The following PCDH15 variants were observed in gnomAD, a reference collection of about 807,000 sequenced individuals.
PCDH15 encodes the protein protocadherin-15.
PCDH15 carries 129 observed loss-of-function variants against 178.5 expected under a neutral mutation model. That is an observed-to-expected ratio of 0.72 (90% CI 0.63 to 0.84). The LOEUF (loss-of-function observed/expected upper bound fraction) is 0.84, where lower values mean the gene tolerates loss of function less well. Among genes scored for constraint, PCDH15 ranks in the 40% least tolerant of loss-of-function variants. The probability of loss-of-function intolerance (pLI) is 0.00; values close to 1 mark genes in which losing one functional copy is unlikely to be tolerated. For missense variants in PCDH15, 2,230 were observed against 2,099.9 expected (o/e 1.06, Z -1.21); for synonymous variants, 800 against 732.0 (o/e 1.09, Z -1.50).
chr10:55,171,872 CCAAA>C (rs940201041), intron 1 of PCDH15, among the ~76,000 whole-genome samples: 1 of 151,232 alleles, frequency 6.6e-6, no homozygotes, highest in African/African-American at 2.4e-5. Flanking sequence ...GTGATGTACG[CCAAA>C]CAATGTTCAC....
chr10:53,941,615 A>G (rs542665809), intron 23 of PCDH15, among the ~76,000 whole-genome samples: 12 of 152,312 alleles, frequency 7.9e-5, no homozygotes, highest in African/African-American at 2.9e-4. Context: ...GACTAAAGCC[A>G]CTATAAACAT....
intron 1 of PCDH15, among the ~76,000 whole-genome samples, chr10:54,752,476 C>CAA (rs755874514): frequency 9.6e-4 from 86 of 89,652 alleles, no homozygotes; most frequent in Non-Finnish European, 1.3e-3. Flanking sequence ...GACTCCGTCT[C>CAA]AAAAAAAAAA....
chr10:54,533,458 C>T (rs1384144948), intron 2 of PCDH15, among the ~76,000 whole-genome samples: 3 of 151,878 alleles, frequency 2.0e-5, no homozygotes, highest in African/African-American at 7.3e-5. Flanking sequence ...TTAGAGAGAG[C>T]TCACAATAAT....
chr10:54,022,795 G>T, intron 19 of PCDH15, 97 bp downstream of exon 19: 5 of 1,157,506 alleles, frequency 4.3e-6, no homozygotes, highest in Non-Finnish European at 6.5e-6. Context: ...AATCCAACTT[G>T]GTATGTTGTA....
chr10:55,151,067 G>T lies in PCDH15; in HGVS notation c.-80+15509C>A, dbSNP rs1838696982. ...GCCAAGTATTTGCCTATTCAACAAT[G>T]ATACAGATTCCATTGTGCCTTTCGT... On this transcript the variant is annotated intron_variant, in intron 2 of 5. Transcript: ENST00000458638. Among the ~76,000 whole-genome samples the T allele has an allele frequency of 2.0e-5, 3 of 151,974 alleles. No homozygotes were observed. The South Asian group carries it at 6.2e-4, about 31-fold the overall frequency.
At chr10:53,940,414 T>A (rs2085950117) in intron 24 of PCDH15, among the ~76,000 whole-genome samples, 1 of 152,176 alleles carries the variant, frequency 6.6e-6, no homozygotes, top group Non-Finnish European at 1.5e-5. Context: ...TGACTCTTTT[T>A]AAAATTCACA....
intron 2 of PCDH15, among the ~76,000 whole-genome samples, chr10:55,405,992 A>C (rs1838188966): frequency 6.6e-6 from 1 of 151,486 alleles, no homozygotes; most frequent in Non-Finnish European, 1.5e-5. Context: ...AGAAAATTGT[A>C]TTTGAGCAAA....
At chr10:54,484,134 T>A (rs1015620367) in intron 3 of PCDH15, among the ~76,000 whole-genome samples, 1 of 151,800 alleles carries the variant, frequency 6.6e-6, no homozygotes, top group African/African-American at 2.4e-5. Flanking sequence ...ACCCAACGAG[T>A]GATGCCAGCC....
chr10:54,635,274 A>C (rs1337785712), intron 2 of PCDH15, among the ~76,000 whole-genome samples: 3 of 151,708 alleles, frequency 2.0e-5, no homozygotes, highest in Admixed American at 2.0e-4. Flanking sequence ...AGACCTATGT[A>C]AAATACATGC....
At chr10:54,013,429 C>T (rs1279152146) in intron 20 of PCDH15, among the ~76,000 whole-genome samples, 2 of 152,134 alleles carry the variant, frequency 1.3e-5, no homozygotes, top group Non-Finnish European at 2.9e-5. Flanking sequence ...CTATAGAACT[C>T]TCCACCCAAA....
intron 32 of PCDH15, chr10:53,822,439 C>CAAG: frequency 6.3e-7 from 1 of 1,587,340 alleles, no homozygotes; most frequent in Middle Eastern, 1.7e-4. Flanking sequence ...GCAAGAGGAG[C>CAAG]AGGAGCAGGA....
chr10:54,833,095 C>A (rs1564550495), intron 3 of PCDH15, among the ~76,000 whole-genome samples: 1 of 152,068 alleles, frequency 6.6e-6, no homozygotes, highest in Non-Finnish European at 1.5e-5. Context: ...TAATTTAATT[C>A]CATCACATAC....
In PCDH15 at chr10:54,329,359, G is replaced by T. The variant is rs569153379; in HGVS notation, c.705+237C>A. The stretch of plus-strand genomic sequence containing the variant: ...AAATATTTCAGTATAGTCTAAAAAG[G>T]TTGGATAATGGATAATACATATGAA... On this transcript the variant is annotated intron_variant, in intron 7 of 37. Coordinates refer to ENST00000644397, the MANE Select transcript of PCDH15 (RefSeq NM_001384140.1). Among the ~76,000 whole-genome samples the T allele has an allele frequency of 1.5e-4, 23 of 151,920 alleles. No homozygotes were observed. In the South Asian group the frequency reaches 1.9e-3, roughly 12 times the overall value.
chr10:54,086,280 CT>C (rs1036957355), intron 16 of PCDH15, among the ~76,000 whole-genome samples: 10 of 151,882 alleles, frequency 6.6e-5, no homozygotes, highest in Non-Finnish European at 1.3e-4. Flanking sequence ...TGCCAGGCTC[CT>C]TTTTTACAAC....
At chr10:55,115,177 T>C (rs1016958109) in intron 2 of PCDH15, among the ~76,000 whole-genome samples, 2 of 152,216 alleles carry the variant, frequency 1.3e-5, no homozygotes, top group African/African-American at 2.4e-5. Flanking sequence ...ACAAATTTAT[T>C]ATGAAATGAA....
Position 55,467,966 on chromosome 10 carries a change from C to CAAAAAAAAAAAAAAAAAAA in PCDH15, c.-156+159640_-156+159658dup, listed in dbSNP as rs71463104. Among the ~76,000 whole-genome samples the CAAAAAAAAAAAAAAAAAAA allele has an allele frequency of 1.1e-3, 41 of 36,630 alleles. 2 individuals carry two copies. Among genetic ancestry groups the CAAAAAAAAAAAAAAAAAAA allele is most frequent in the African/African-American group, 2.7e-3 (18 of 6,586 alleles). 24.0% of individuals were successfully genotyped at this position (36,630 alleles called of 152,430 possible). The stretch of plus-strand genomic sequence containing the variant: ...TGGGCGATAGAGCCAGACTCCGTCT[C>CAAAAAAAAAAAAAAAAAAA]AAAAAAAAAAAAAAAAAAAAAAAAA... On this transcript the variant is annotated intron_variant, in intron 2 of 5. Coordinates refer to the PCDH15 transcript ENST00000613346.
At chr10:53,886,691 G>A (rs1442588874) in intron 26 of PCDH15, among the ~76,000 whole-genome samples, 2 of 137,964 alleles carry the variant, frequency 1.4e-5, no homozygotes, top group Non-Finnish European at 3.0e-5. Context: ...AGCCCAAAAA[G>A]AGCCCATTCC....
At chr10:54,738,356 A>T (rs956641750) in intron 1 of PCDH15, among the ~76,000 whole-genome samples, 3 of 152,100 alleles carry the variant, frequency 2.0e-5, no homozygotes, top group African/African-American at 7.2e-5. Context: ...CATCTAGCAT[A>T]ATTTCTGTAA....
At chr10:55,298,497 T>G (rs2132275307) in intron 1 of PCDH15, among the ~76,000 whole-genome samples, 1 of 152,316 alleles carries the variant, frequency 6.6e-6, no homozygotes, top group Admixed American at 6.5e-5. Context: ...AACAAAACCA[T>G]AAATCTTTCA....
Sources: gnomAD v4.1 joint callset for allele counts (sites outside exome capture counted in the v4.1 genomes callset) on GRCh38, gnomAD v4.1.1 for gene constraint, MANE v1.5 for transcripts, NCBI Gene and HGNC (gene_info 2026-07-23, HGNC 2026-07-21) for gene names.